Variants in FAHD2A observed in about 807,000 individuals in gnomAD.
FAHD2A encodes the protein fumarylacetoacetate hydrolase domain containing 2A, also known as oxaloacetate tautomerase FAHD2A, mitochondrial.
In FAHD2A, 27 loss-of-function variants were observed where a neutral mutation model predicts 33.4. That is an observed-to-expected ratio of 0.81 (90% CI 0.60 to 1.11). FAHD2A has a LOEUF of 1.11. Among genes scored for constraint, FAHD2A ranks in the 50% most tolerant of loss-of-function variants. The pLI, the probability that FAHD2A is intolerant of heterozygous loss-of-function variation, is 0.00. For synonymous variants in FAHD2A, 130 were observed against 153.3 expected (o/e 0.85, Z 1.12); for missense variants, 296 against 395.0 (o/e 0.75, Z 2.12).
At position 95,410,599 on chromosome 2, in the gene FAHD2A, G is replaced by A. The variant is rs751751911; in HGVS notation, c.522+13G>A. 30 of 1,612,884 alleles carry A rather than the reference G, an allele frequency of 1.9e-5. No homozygotes were observed. Among genetic ancestry groups the A allele is most frequent in the South Asian group, 1.2e-4 (11 of 90,710 alleles). ...CAAGCACATCAAGGTGAGGTGGAAA[G>A]GGTGGGCTCCCAGTCCAGAGTGCAG... On this transcript the variant is annotated intron_variant, in intron 4 of 7. Transcript: ENST00000233379.
downstream of FAHD2A, among the ~76,000 whole-genome samples, chr2:95,420,234 C>G (rs1478332212): frequency 2.0e-5 from 3 of 152,116 alleles, no homozygotes; most frequent in Non-Finnish European, 2.9e-5. Context: ...TAGCCAGACA[C>G]CTGGGCACCC....
chr2:95,403,311 C>T (rs951560243), intron 1 of FAHD2A, among the ~76,000 whole-genome samples: 3 of 152,154 alleles, frequency 2.0e-5, no homozygotes, highest in African/African-American at 7.2e-5. Context: ...TGAGGGCGCT[C>T]TACCTGAGGA....
At chr2:95,406,877 C>T (rs1681651527) in intron 2 of FAHD2A, 64 bp from the exon 3 acceptor site, 1 of 1,507,812 alleles carries the variant, frequency 6.6e-7, no homozygotes, top group South Asian at 1.3e-5. Flanking sequence ...AGGATCTGCC[C>T]AGCCTGCCCG....
At chr2:95,404,445 C>T (rs1351258647) in intron 1 of FAHD2A, among the ~76,000 whole-genome samples, 1 of 152,108 alleles carries the variant, frequency 6.6e-6, no homozygotes, top group Non-Finnish European at 1.5e-5. Context: ...AGGTGGCTGC[C>T]ACCACACTCG....
rs925032684 is a variant in FAHD2A, at chr2:95,412,658, T to C, written c.795-19T>C. ...TCAGCCAGCCCCTGGTCTCACCGGGTCCTTCTGCTTTGATCCAGGTTTGTT... is the reference window on the plus strand; with the variant it reads ...TCAGCCAGCCCCTGGTCTCACCGGGCCCTTCTGCTTTGATCCAGGTTTGTT... On this transcript the variant is annotated intron_variant, in intron 6 of 7. Transcript: ENST00000233379. The C allele has an allele frequency of 5.6e-5, 90 of 1,613,900 alleles. No homozygotes were observed. The highest frequency in any genetic ancestry group is 6.6e-5 in the Non-Finnish European group (78 of 1,179,970).
In FAHD2A at chr2:95,405,812, G is replaced by A. The variant is rs372777789; in HGVS notation, c.245+9G>A. On this transcript the variant is annotated intron_variant, in intron 2 of 7. Coordinates refer to ENST00000233379, the MANE Select transcript of FAHD2A (RefSeq NM_016044.3). ...CTCTCAGTGGCAAGAAGGTAAGTAA[G>A]TGGGCAGCATCGCCCTGAAGCAGCT... is the stretch of plus-strand genomic sequence containing the variant. 102 of 1,590,600 alleles carry A rather than the reference G, an allele frequency of 6.4e-5. No homozygotes were observed. The highest frequency in any genetic ancestry group is 8.3e-5 in the Non-Finnish European group (97 of 1,168,444).
chr2:95,405,550 C>T lies in FAHD2A; in HGVS notation c.-6-3C>T. On this transcript the variant is annotated splice_polypyrimidine_tract_variant and splice_region_variant and intron_variant, in intron 1 of 7. Transcript: ENST00000233379. ...CTCCTGGATCCTGCATTTTTCTCTG[C>T]AGGCTCTGATGCTGGTGTCTGGTAG... The T allele has an allele frequency of 6.2e-7, 1 of 1,605,560 alleles. No individual in the cohort carries two copies. Among genetic ancestry groups the T allele is most frequent in the Non-Finnish European group, 8.5e-7 (1 of 1,174,434 alleles).
chr2:95,403,469 T>G (rs377588969), intron 1 of FAHD2A, among the ~76,000 whole-genome samples: 191 of 152,292 alleles, frequency 1.3e-3, no homozygotes, highest in African/African-American at 4.1e-3. Context: ...CCCACGCATG[T>G]CTGTTAGCAG....
rs753482077 is a variant in FAHD2A at position 95,406,953 on chromosome 2, C to A, written c.258C>A (p.Ala86=). Reference sequence around the variant, plus strand: ...CTGGTCTCTACAGAGCCCTGGCTGCCCAGTTGCCAGTCCTACCACGGTCGG... The same window carrying A: ...CTGGTCTCTACAGAGCCCTGGCTGCACAGTTGCCAGTCCTACCACGGTCGG... ...TLSVARRALA[A]QLPVLPRSEV... is the part of the protein sequence containing the mutation. Residue 86 remains alanine (A), a synonymous_variant, in exon 3 of 8, where the codon GCC becomes GCA. Coordinates refer to ENST00000233379, the MANE Select transcript of FAHD2A (RefSeq NM_016044.3). 5 of 1,613,312 alleles carry A rather than the reference C, an allele frequency of 3.1e-6. No individual in the cohort carries two copies. Among genetic ancestry groups the A allele is most frequent in the Non-Finnish European group, 4.2e-6 (5 of 1,179,608 alleles).
chr2:95,413,472 G>C lies in FAHD2A; in HGVS notation c.*515G>C. The C allele has an allele frequency of 1.2e-6, 2 of 1,610,586 alleles. No individual in the cohort carries two copies. Among genetic ancestry groups the C allele is most frequent in the Non-Finnish European group, 1.7e-6 (2 of 1,179,384 alleles). On this transcript the variant is annotated 3_prime_UTR_variant, in exon 8 of 8. Coordinates refer to ENST00000233379, the MANE Select transcript of FAHD2A (RefSeq NM_016044.3). ...AGTTCTAGCTACAAGTGAACTGCCG[G>C]ATGAACTGTTCTAGTTTTTCCTGAT...
downstream of FAHD2A, among the ~76,000 whole-genome samples, chr2:95,420,843 C>T (rs995392248): frequency 6.6e-6 from 1 of 151,906 alleles, no homozygotes; most frequent in African/African-American, 2.4e-5. Flanking sequence ...GTAAAAGAAG[C>T]CTTGTTATTA....
chr2:95,411,271 G>A (rs1034645966), intron 5 of FAHD2A, among the ~76,000 whole-genome samples: 2 of 152,256 alleles, frequency 1.3e-5, no homozygotes, highest in Non-Finnish European at 2.9e-5. Flanking sequence ...AAATTACAAA[G>A]AACACTGAGC....
At chr2:95,417,972 A>G (rs1040467089), downstream of FAHD2A, among the ~76,000 whole-genome samples, 5 of 152,064 alleles carry the variant, frequency 3.3e-5, no homozygotes, top group Non-Finnish European at 7.3e-5. Context: ...TTGTCTGCAT[A>G]TGTATGCTTG....
intron 3 of FAHD2A, chr2:95,407,389 C>G (rs983852722): frequency 4.0e-5 from 25 of 628,860 alleles, no homozygotes; most frequent in Middle Eastern, 4.4e-4. Context: ...TAGAGATAAA[C>G]ATTAAAAAAT....
At chr2:95,408,241 A>G (rs1049717954) in intron 3 of FAHD2A, among the ~76,000 whole-genome samples, 3 of 152,126 alleles carry the variant, frequency 2.0e-5, no homozygotes, top group Non-Finnish European at 4.4e-5. Context: ...AATTGCCCCA[A>G]TTCCCAATCG....
In FAHD2A at chr2:95,411,254, G is replaced by A. The variant is rs1207830089; in HGVS notation, c.685+228G>A. 2.6e-5 allele frequency among the ~76,000 whole-genome samples: 4 copies of A among 152,346 alleles called. No homozygotes were observed. In the East Asian group the frequency reaches 5.8e-4, roughly 22 times the overall value. ...CTGCAGAGGATGTGAAACTGCATGC[G>A]TGAAGTAAATTACAAAGAACACTGA... On this transcript the variant is annotated intron_variant, in intron 5 of 7. Transcript: ENST00000233379.
rs1185775977 is a variant in FAHD2A at position 95,413,744 on chromosome 2, C to G, written c.*787C>G. ...CCAATACCCCACCTAGAAGGATGAGCCAGTGATTTGGGAGACCAAGAGGCA... is the reference window on the plus strand; with the variant it reads ...CCAATACCCCACCTAGAAGGATGAGGCAGTGATTTGGGAGACCAAGAGGCA... On this transcript the variant is annotated 3_prime_UTR_variant, in exon 8 of 8. Transcript: ENST00000233379. The G allele has an allele frequency of 2.7e-6, 2 of 743,442 alleles. No individual in the cohort carries two copies. The highest frequency in any genetic ancestry group is 3.6e-5 in the African/African-American group (2 of 56,214). 46.1% of individuals were successfully genotyped at this position (743,442 alleles called of 1,614,324 possible).
Position 95,414,020 on chromosome 2 carries a change from A to G in FAHD2A, c.*1063A>G. ...CAAGCTTTGGGTCTGCACACTCTGG[A>G]AAGAAGAGAGAAGTGAAGGCTCTAG... On this transcript the variant is annotated 3_prime_UTR_variant, in exon 8 of 8. Transcript: ENST00000233379. 1.4e-6 allele frequency: 2 copies of G among 1,454,864 alleles called. No individual in the cohort carries two copies. The highest frequency in any genetic ancestry group is 3.4e-5 in the Admixed American group (2 of 59,568). The allele number at this position is 1,454,864 out of a possible 1,614,324, so 90.1% of individuals were successfully genotyped here. A position where few individuals can be genotyped will look rare whatever the true frequency, so the allele number is the denominator to read the frequency against.
In FAHD2A at chr2:95,415,645, C is replaced by A. The variant is rs1168519852; in HGVS notation, c.*2688C>A. 6.6e-6 allele frequency: 1 copy of A among 152,642 alleles called. No individual in the cohort carries two copies. The allele number at this position is 152,642 out of a possible 1,614,324, so 9.5% of individuals were successfully genotyped here. A position where few individuals can be genotyped will look rare whatever the true frequency, so the allele number is the denominator to read the frequency against. ...TCGCCAGCCGTGCAGTCCTCACTCT[C>A]TTGCCCAGGTAAGCTGGGGAAGAGC... On this transcript the variant is annotated 3_prime_UTR_variant, in exon 8 of 8. Transcript: ENST00000233379.
Sources: allele counts gnomAD v4.1 joint callset (sites outside exome capture counted in the v4.1 genomes callset), GRCh38; gene constraint gnomAD v4.1.1; transcripts MANE v1.5; gene names NCBI Gene and HGNC (gene_info 2026-07-23, HGNC 2026-07-21).